The following GPC5 variants were observed in gnomAD, a reference collection of about 807,000 sequenced individuals.
GPC5 encodes glypican 5.
A neutral mutation model predicts 53.9 loss-of-function variants in GPC5; 47 were observed. The observed-to-expected ratio is 0.87, with a 90% confidence interval of 0.69 to 1.11. The LOEUF is 1.11. Among genes scored for constraint, GPC5 ranks in the 50% most tolerant of loss-of-function variants. The pLI, the probability that GPC5 is intolerant of heterozygous loss-of-function variation, is 0.00. For missense variants in GPC5, 748 were observed against 713.1 expected, an observed-to-expected ratio of 1.05 and a Z score of -0.56; for synonymous variants, 286 against 263.3, an observed-to-expected ratio of 1.09 and a Z score of -0.84.
chr13:91,962,353 C>G (rs2040133965), intron 6 of GPC5, among the ~76,000 whole-genome samples: 1 of 152,120 alleles, frequency 6.6e-6, no homozygotes, highest in Non-Finnish European at 1.5e-5. Context: ...TTCTCTTCTT[C>G]AACTACTTTG....
intron 7 of GPC5, among the ~76,000 whole-genome samples, chr13:92,219,590 A>G (rs1317763190): frequency 6.6e-6 from 1 of 152,100 alleles, no homozygotes; most frequent in African/African-American, 2.4e-5. Flanking sequence ...TGAGAAATTG[A>G]AAGTATCTCT....
intron 6 of GPC5, among the ~76,000 whole-genome samples, chr13:92,136,728 TTC>T (rs34254967): frequency 0.28 from 43,278 of 152,090 alleles, 6,195 homozygotes; most frequent in East Asian, 0.42. Flanking sequence ...TGATGAATGT[TTC>T]TCTTTCACCA....
At chr13:92,737,290 G>GA (rs1327424036) in intron 7 of GPC5, among the ~76,000 whole-genome samples, 1 of 151,938 alleles carries the variant, frequency 6.6e-6, no homozygotes, top group Non-Finnish European at 1.5e-5. Flanking sequence ...AAATAGTTCA[G>GA]AAAAAATGCA....
chr13:91,793,324 G>T lies in GPC5; in HGVS notation c.1280+36904G>T, dbSNP rs572009354. ...AAACCGCCCCCATGATTCAGTTACT[G>T]CCCATTCCGGGTCCCTCCCATGACA... is the stretch of plus-strand genomic sequence containing the variant. On this transcript the variant is annotated intron_variant, in intron 5 of 7. Coordinates refer to ENST00000377067, the MANE Select transcript of GPC5 (RefSeq NM_004466.6). Among the ~76,000 whole-genome samples the T allele has an allele frequency of 3.2e-3, 489 of 152,168 alleles. 2 individuals carry two copies. Among genetic ancestry groups the T allele is most frequent in the African/African-American group, 0.011 (464 of 41,512 alleles).
chr13:91,899,851 A>G (rs1362577376), intron 5 of GPC5, among the ~76,000 whole-genome samples: 1 of 152,186 alleles, frequency 6.6e-6, no homozygotes, highest in East Asian at 1.9e-4. Flanking sequence ...GGCCCTGCCA[A>G]CATCTTGATT....
Position 92,144,818 on chromosome 13 carries a change from A to T in GPC5, c.1402-12A>T. ...TTGCTATTAGTAAAGGCCTTTCTTT[A>T]TGTACAATTAGTTGTTACAGGGTAG... is the stretch of plus-strand genomic sequence containing the variant. On this transcript the variant is annotated splice_polypyrimidine_tract_variant and intron_variant, in intron 6 of 7. Coordinates refer to ENST00000377067, the MANE Select transcript of GPC5 (RefSeq NM_004466.6). The T allele has an allele frequency of 1.2e-6, 2 of 1,604,848 alleles. No individual in the cohort carries two copies. The highest frequency in any genetic ancestry group is 1.7e-6 in the Non-Finnish European group (2 of 1,176,062).
intron 7 of GPC5, among the ~76,000 whole-genome samples, chr13:92,789,651 T>TG: frequency 6.6e-6 from 1 of 152,124 alleles, no homozygotes. Flanking sequence ...ACACAGCTAG[T>TG]GGAACAAATA....
At position 91,638,799 on chromosome 13, in the gene GPC5, G is replaced by A. The variant is rs967189313; in HGVS notation, c.326-54388G>A. Reference sequence around the variant, plus strand: ...ATATACCCCAAATGAGAAAAAGCCCGTTAGCTAACGTATTATACCTCAATG... The same window carrying A: ...ATATACCCCAAATGAGAAAAAGCCCATTAGCTAACGTATTATACCTCAATG... On this transcript the variant is annotated intron_variant, in intron 2 of 7. Transcript: ENST00000377067. 8.5e-5 allele frequency among the ~76,000 whole-genome samples: 13 copies of A among 152,264 alleles called. No individual in the cohort carries two copies. In the South Asian group the frequency reaches 1.2e-3, roughly 15 times the overall value.
At chr13:91,940,237 A>G (rs953925451) in intron 6 of GPC5, among the ~76,000 whole-genome samples, 2 of 152,150 alleles carry the variant, frequency 1.3e-5, no homozygotes, top group Admixed American at 6.6e-5. Flanking sequence ...AAGTGAGAAC[A>G]TGTGGTATTT....
chr13:91,641,697 C>T (rs1309905631), intron 2 of GPC5, among the ~76,000 whole-genome samples: 1 of 152,222 alleles, frequency 6.6e-6, no homozygotes, highest in African/African-American at 2.4e-5. Flanking sequence ...CAACACTATT[C>T]ACCCAGTACA....
At chr13:92,553,147 T>G (rs1365979542) in intron 7 of GPC5, among the ~76,000 whole-genome samples, 1 of 152,006 alleles carries the variant, frequency 6.6e-6, no homozygotes, top group African/African-American at 2.4e-5. Flanking sequence ...TGTTTCTGCA[T>G]TTCTTGTTCA....
chr13:92,199,142 A>G (rs2042277134), intron 7 of GPC5, among the ~76,000 whole-genome samples: 2 of 152,176 alleles, frequency 1.3e-5, no homozygotes, highest in African/African-American at 4.8e-5. Flanking sequence ...TTAGAATTGG[A>G]TTTTTGTTGC....
intron 7 of GPC5, among the ~76,000 whole-genome samples, chr13:92,233,205 T>A (rs539589597): frequency 6.6e-6 from 1 of 152,326 alleles, no homozygotes; most frequent in Admixed American, 6.5e-5. Context: ...CAAATTTAAT[T>A]ATGAAATTGA....
chr13:92,708,229 C>T (rs1888014728), intron 7 of GPC5, among the ~76,000 whole-genome samples: 1 of 152,098 alleles, frequency 6.6e-6, no homozygotes, highest in Non-Finnish European at 1.5e-5. Context: ...AAACTATTTG[C>T]AATCCATAGC....
chr13:91,528,805 G>A (rs568522547), intron 2 of GPC5, among the ~76,000 whole-genome samples: 2 of 152,290 alleles, frequency 1.3e-5, no homozygotes, highest in East Asian at 3.9e-4. Flanking sequence ...GAAGGTGGAA[G>A]GGAAGAAAGG....
intron 5 of GPC5, among the ~76,000 whole-genome samples, chr13:91,873,855 G>A (rs902590392): frequency 6.6e-6 from 1 of 152,030 alleles, no homozygotes; most frequent in African/African-American, 2.4e-5. Flanking sequence ...CTAAATGTTT[G>A]TTTTTTGATG....
At chr13:92,375,936 A>G (rs985212092) in intron 7 of GPC5, among the ~76,000 whole-genome samples, 12 of 152,084 alleles carry the variant, frequency 7.9e-5, no homozygotes, top group Non-Finnish European at 1.5e-4. Context: ...AATACCATCC[A>G]TTGTCAAGTC....
chr13:92,469,507 A>G (rs1429188224), intron 7 of GPC5, among the ~76,000 whole-genome samples: 1 of 152,172 alleles, frequency 6.6e-6, no homozygotes, highest in African/African-American at 2.4e-5. Flanking sequence ...GGTTAGCATT[A>G]TGATTAAGAC....
At chr13:91,416,607 C>G (rs892200493) in intron 1 of GPC5, among the ~76,000 whole-genome samples, 2 of 152,072 alleles carry the variant, frequency 1.3e-5, no homozygotes, top group African/African-American at 4.8e-5. Flanking sequence ...ATCCCTCCCC[C>G]AGCCTCCCAC....
Sources: allele counts gnomAD v4.1 joint callset (sites outside exome capture counted in the v4.1 genomes callset), GRCh38; gene constraint gnomAD v4.1.1; transcripts MANE v1.5; gene names NCBI Gene and HGNC (gene_info 2026-07-23, HGNC 2026-07-21).